The following CHST3 variants were observed in gnomAD, a reference collection of about 807,000 sequenced individuals.
CHST3 encodes C6ST-1.
CHST3 carries 20 observed loss-of-function variants against 35.4 expected under a neutral mutation model. That is an observed-to-expected ratio of 0.57 (90% CI 0.40 to 0.82). The LOEUF (loss-of-function observed/expected upper bound fraction) is 0.82. Ranked by LOEUF, CHST3 falls within the 40% of genes least tolerant of loss-of-function variation. The probability of loss-of-function intolerance (pLI) is 0.00; values close to 1 mark genes in which losing one functional copy is unlikely to be tolerated. For synonymous variants in CHST3, 334 were observed against 295.9 expected, an observed-to-expected ratio of 1.13 and a Z score of -1.32; for missense variants, 693 against 670.1, an observed-to-expected ratio of 1.03 and a Z score of -0.38.
At chr10:72,000,763 G>C (rs1839985281) in intron 1 of CHST3, among the ~76,000 whole-genome samples, 1 of 152,044 alleles carries the variant, frequency 6.6e-6, no homozygotes, top group South Asian at 2.1e-4. Context: ...GAAGCTGGGT[G>C]GCAGCACAGT....
In CHST3 at chr10:72,011,729, GAA is replaced by G. The variant is rs1237827167; in HGVS notation, c.*3260_*3261del. 6.6e-6 allele frequency: 1 copy of G among 152,248 alleles called. No individual in the cohort carries two copies. The highest frequency in any genetic ancestry group is 2.4e-5 in the African/African-American group (1 of 41,450). 9.4% of individuals were successfully genotyped at this position (152,248 alleles called of 1,614,324 possible). On this transcript the variant is annotated 3_prime_UTR_variant, in exon 3 of 3. Transcript: ENST00000373115. ...GATGAGTTCTGCGGCCCAGCATATA[GAA>G]ATGGCTCAGAACGTTCCAGGCCTTG...
chr10:71,971,553 C>T (rs1317063759), intron 1 of CHST3, among the ~76,000 whole-genome samples: 1 of 152,216 alleles, frequency 6.6e-6, no homozygotes, highest in Non-Finnish European at 1.5e-5. Flanking sequence ...CTACCCTTTC[C>T]CGCTTCCCCC....
In CHST3 at chr10:72,007,290, T is replaced by G. The variant is rs1840048847; in HGVS notation, c.259T>G (p.Phe87Val). ...LLSLSELDSA[F>V]SQLQSRLRNL... ...GTCCCTGAGCGAGCTCGATTCAGCCTTCTCCCAGCTTCAGAGCCGTCTCCG... is the reference window on the plus strand; with the variant it reads ...GTCCCTGAGCGAGCTCGATTCAGCCGTCTCCCAGCTTCAGAGCCGTCTCCG... The change falls in exon 3 of 3, where the codon TTC becomes GTC. Residue 87 changes from phenylalanine to valine, a missense_variant. Phe to Val is a conservative substitution (Grantham distance 50). Coordinates refer to ENST00000373115, the MANE Select transcript of CHST3 (RefSeq NM_004273.5). The G allele has an allele frequency of 1.9e-6, 3 of 1,613,858 alleles. No homozygotes were observed. Among genetic ancestry groups the G allele is most frequent in the Non-Finnish European group, 2.5e-6 (3 of 1,179,914 alleles).
At chr10:71,986,685 T>C (rs980590325) in intron 1 of CHST3, among the ~76,000 whole-genome samples, 5 of 146,804 alleles carry the variant, frequency 3.4e-5, no homozygotes, top group African/African-American at 5.1e-5. Context: ...CCTTGACCGA[T>C]AGGAATAGTT....
intron 1 of CHST3, among the ~76,000 whole-genome samples, chr10:71,993,847 C>T (rs1397076305): frequency 6.6e-6 from 1 of 152,082 alleles, no homozygotes; most frequent in Non-Finnish European, 1.5e-5. Flanking sequence ...CATCTGTAAT[C>T]CCAACACTTT....
intron 1 of CHST3, among the ~76,000 whole-genome samples, chr10:71,992,921 C>G (rs755058418): frequency 2.0e-5 from 3 of 152,168 alleles, no homozygotes; most frequent in Non-Finnish European, 2.9e-5. Flanking sequence ...CCCGGCCCCC[C>G]AAAGTGTGGG....
intron 1 of CHST3, among the ~76,000 whole-genome samples, chr10:71,969,540 C>T (rs1380177663): frequency 6.6e-6 from 1 of 152,218 alleles, no homozygotes; most frequent in Non-Finnish European, 1.5e-5. Flanking sequence ...TGAGCACTGC[C>T]CAGCTGATCC....
chr10:72,008,091 C>G lies in CHST3; in HGVS notation c.1060C>G (p.Leu354Val). 6.5e-7 allele frequency: 1 copy of G among 1,545,352 alleles called. No homozygotes were observed. The highest frequency in any genetic ancestry group is 2.0e-5 in the Admixed American group (1 of 50,832). Residue 354 changes from leucine (L) to valine (V), a missense_variant, in exon 3 of 3, where the codon CTG becomes GTG. By Grantham distance (32) the Leu-to-Val change is conservative. Transcript: ENST00000373115. ...NCESIRLSAE[L>V]GLRQPAWLRG... ...CGAGAGCATCCGCCTGTCCGCGGAGCTGGGGCTGCGGCAGCCCGCCTGGCT... is the reference window on the plus strand; with the variant it reads ...CGAGAGCATCCGCCTGTCCGCGGAGGTGGGGCTGCGGCAGCCCGCCTGGCT...
At chr10:71,979,578 G>A (rs558945812) in intron 1 of CHST3, among the ~76,000 whole-genome samples, 2 of 152,164 alleles carry the variant, frequency 1.3e-5, no homozygotes, top group South Asian at 4.2e-4. Context: ...ACCAGCCCTA[G>A]GCTCATGGTT....
chr10:71,981,262 G>A (rs1270297969), intron 1 of CHST3, among the ~76,000 whole-genome samples: 1 of 152,196 alleles, frequency 6.6e-6, no homozygotes. Context: ...CAGCCTGCCA[G>A]CTTTGGAGAC....
chr10:71,994,337 G>A (rs914837234), intron 1 of CHST3, among the ~76,000 whole-genome samples: 1 of 152,104 alleles, frequency 6.6e-6, no homozygotes, highest in African/African-American at 2.4e-5. Context: ...TCCATGGGCT[G>A]CAGAATTAAT....
In CHST3 at chr10:71,973,828, C is replaced by A. The variant is rs532067003; in HGVS notation, c.-108+9134C>A. On this transcript the variant is annotated intron_variant, in intron 1 of 2. Coordinates refer to ENST00000373115, the MANE Select transcript of CHST3 (RefSeq NM_004273.5). ...GCATGAGGGAAGCTGGGCAAAGGCACGAGGATGGGAAAGTTCCGATTGAAG... is the reference window on the plus strand; with the variant it reads ...GCATGAGGGAAGCTGGGCAAAGGCAAGAGGATGGGAAAGTTCCGATTGAAG... Among the ~76,000 whole-genome samples the A allele has an allele frequency of 1.2e-4, 18 of 152,236 alleles. No homozygotes were observed. In the South Asian group the frequency reaches 3.7e-3, roughly 32 times the overall value.
chr10:71,991,655 G>A (rs556696715), intron 1 of CHST3, among the ~76,000 whole-genome samples: 5 of 152,162 alleles, frequency 3.3e-5, no homozygotes, highest in South Asian at 4.2e-4. Flanking sequence ...TTACACGGCC[G>A]GGTGCAGTGG....
At chr10:71,967,975 ATT>A (rs61420934) in intron 1 of CHST3, among the ~76,000 whole-genome samples, 31 of 142,068 alleles carry the variant, frequency 2.2e-4, no homozygotes, top group African/African-American at 7.0e-4. Context: ...TGCGTGGCTA[ATT>A]TTTTTTTTTT....
At chr10:71,995,647 G>A (rs1839932145) in intron 1 of CHST3, among the ~76,000 whole-genome samples, 1 of 152,106 alleles carries the variant, frequency 6.6e-6, no homozygotes, top group South Asian at 2.1e-4. Flanking sequence ...CAATATTGTT[G>A]CATTTCAAGG....
rs1365890234 is a variant in CHST3, at chr10:72,005,835, C to A, written c.-8C>A. ...GCCCGAGGAGCCCCCACGGCCCCACCTTTCCCCATGGAGAAAGGACTCACT... is the reference window on the plus strand; with the variant it reads ...GCCCGAGGAGCCCCCACGGCCCCACATTTCCCCATGGAGAAAGGACTCACT... On this transcript the variant is annotated 5_prime_UTR_variant, in exon 2 of 3. Transcript: ENST00000373115. 12 of 1,614,122 alleles carry A rather than the reference C, an allele frequency of 7.4e-6. No individual in the cohort carries two copies. The South Asian group carries it at 1.1e-4, about 15-fold the overall frequency.
In CHST3 at chr10:71,964,728, C is replaced by G. The variant is rs561658791; in HGVS notation, c.-108+34C>G. 5.3e-5 allele frequency: 8 copies of G among 152,202 alleles called. No individual in the cohort carries two copies. The East Asian group carries it at 1.5e-3, about 29-fold the overall frequency. The allele number at this position is 152,202 out of a possible 1,614,324, so 9.4% of individuals were successfully genotyped here. ...GGCGCCGGCGTCCTGGAACCGCCGC[C>G]CAGCCCGGGGGAGGCCGCCCAGCCG... On this transcript the variant is annotated intron_variant, in intron 1 of 2. Coordinates refer to ENST00000373115, the MANE Select transcript of CHST3 (RefSeq NM_004273.5).
chr10:71,986,425 C>T (rs146110534), intron 1 of CHST3, among the ~76,000 whole-genome samples: 6 of 152,304 alleles, frequency 3.9e-5, no homozygotes, highest in African/African-American at 4.8e-5. Flanking sequence ...CTAAAACAGC[C>T]GCAGCAGATT....
chr10:71,989,285 G>A (rs1267602755), intron 1 of CHST3, among the ~76,000 whole-genome samples: 1 of 152,098 alleles, frequency 6.6e-6, no homozygotes, highest in Non-Finnish European at 1.5e-5. Flanking sequence ...TCTCCAAAAA[G>A]CTTTTTTTAA....
Sources: gnomAD v4.1 joint callset for allele counts (sites outside exome capture counted in the v4.1 genomes callset) on GRCh38, gnomAD v4.1.1 for gene constraint, MANE v1.5 for transcripts, NCBI Gene and HGNC (gene_info 2026-07-23, HGNC 2026-07-21) for gene names.